TRPC4: variants seen among roughly 807,000 people sequenced by gnomAD.
TRPC4 encodes the protein short transient receptor potential channel 4.
TRPC4 carries 49 observed loss-of-function variants against 99.4 expected under a neutral mutation model. The ratio of observed to expected loss-of-function variants is 0.49; its 90% CI spans 0.39 to 0.63. The LOEUF (loss-of-function observed/expected upper bound fraction) is 0.63. Ranked by LOEUF, TRPC4 falls within the 20% of genes least tolerant of loss-of-function variation. TRPC4 has a pLI of 0.00. For missense variants in TRPC4, 898 were observed against 1,152.9 expected, an observed-to-expected ratio of 0.78 and a Z score of 3.20; for synonymous variants, 454 against 425.9, an observed-to-expected ratio of 1.07 and a Z score of -0.81.
intron 3 of TRPC4, among the ~76,000 whole-genome samples, chr13:37,709,205 A>G (rs1282053073): frequency 2.0e-5 from 3 of 151,918 alleles, no homozygotes; most frequent in Non-Finnish European, 1.5e-5. Context: ...GACTGAGAAT[A>G]TGTTTTGAGT....
intron 3 of TRPC4, among the ~76,000 whole-genome samples, chr13:37,736,002 A>G (rs999514022): frequency 4.6e-5 from 7 of 152,184 alleles, no homozygotes; most frequent in African/African-American, 1.7e-4. Flanking sequence ...TGTGGGGGAA[A>G]AAAACACTTT....
intron 3 of TRPC4, among the ~76,000 whole-genome samples, chr13:37,733,964 C>A (rs1955318751): frequency 2.0e-5 from 3 of 152,200 alleles, no homozygotes; most frequent in Admixed American, 2.0e-4. Context: ...TGGAAGTCTT[C>A]ACTGAGAAGG....
At chr13:37,647,768 A>T (rs1951895065) in intron 8 of TRPC4, among the ~76,000 whole-genome samples, 1 of 152,232 alleles carries the variant, frequency 6.6e-6, no homozygotes. Flanking sequence ...TTTAATTAAT[A>T]GTTGTTTGTG....
rs781706495 is a variant in TRPC4, at chr13:37,663,426, C to T, written c.1678G>A (p.Ala560Thr). 3 of 1,611,892 alleles carry T rather than the reference C, an allele frequency of 1.9e-6. No individual in the cohort carries two copies. The highest frequency in any genetic ancestry group is 2.5e-6 in the Non-Finnish European group (3 of 1,178,848). The change falls in exon 6 of 11, where the codon GCA becomes ACA. Residue 560 changes from alanine to threonine, a missense_variant. This residue lies in a region of TRPC4 where 274 missense variants were observed against 454.9 expected (regional missense o/e 0.60). Coordinates refer to ENST00000379705, the MANE Select transcript of TRPC4 (RefSeq NM_016179.4). ...GTCTATTAGACTTACGTTGAAAATG[C>T]ATTATTCTGCTTTTCACATCTTATG... is the stretch of plus-strand genomic sequence containing the variant. ...KGIRCEKQNN[A>T]FSTLFETLQS...
At chr13:37,737,226 GTAATAA>G (rs141469952) in intron 3 of TRPC4, among the ~76,000 whole-genome samples, 17 of 148,374 alleles carry the variant, frequency 1.1e-4, no homozygotes, top group Middle Eastern at 3.6e-3. Flanking sequence ...ACAAAAAATA[GTAATAA>G]TAATAATAAT....
chr13:37,752,663 C>G (rs1175975347), intron 2 of TRPC4, among the ~76,000 whole-genome samples: 1 of 151,670 alleles, frequency 6.6e-6, no homozygotes, highest in Non-Finnish European at 1.5e-5. Flanking sequence ...AATGTTACAG[C>G]CTTTCATTTG....
rs1593395665 is a variant in TRPC4 at position 37,633,836 on chromosome 13, T to C, written c.*3067A>G. ...ATTACTCATGATTTTATAAAATAAT[T>C]CACCCCATTTTAAAAAATATAGCCA... On this transcript the variant is annotated 3_prime_UTR_variant, in exon 11 of 11. Coordinates refer to ENST00000379705, the MANE Select transcript of TRPC4 (RefSeq NM_016179.4). Among the ~76,000 whole-genome samples the C allele has an allele frequency of 6.6e-6, 1 of 152,110 alleles. No homozygotes were observed. Among genetic ancestry groups the C allele is most frequent in the African/African-American group, 2.4e-5 (1 of 41,448 alleles).
rs1951434932 is a variant in TRPC4, at chr13:37,633,398, A to G, written c.*3505T>C. Among the ~76,000 whole-genome samples the G allele has an allele frequency of 6.6e-6, 1 of 152,190 alleles. No individual in the cohort carries two copies. Among genetic ancestry groups the G allele is most frequent in the African/African-American group, 2.4e-5 (1 of 41,464 alleles). The stretch of plus-strand genomic sequence containing the variant: ...TAGAAGACAGCTAAAAATACAATGC[A>G]TGAGGACTAAGAATGGACAGATTTC... On this transcript the variant is annotated 3_prime_UTR_variant, in exon 11 of 11. Transcript: ENST00000379705.
rs1469590928 is a variant in TRPC4 at position 37,635,667 on chromosome 13, C to A, written c.*1236G>T. 1.3e-5 allele frequency among the ~76,000 whole-genome samples: 2 copies of A among 152,048 alleles called. No individual in the cohort carries two copies. Among genetic ancestry groups the A allele is most frequent in the South Asian group, 2.1e-4 (1 of 4,826 alleles). On this transcript the variant is annotated 3_prime_UTR_variant, in exon 11 of 11. Coordinates refer to ENST00000379705, the MANE Select transcript of TRPC4 (RefSeq NM_016179.4). The stretch of plus-strand genomic sequence containing the variant: ...CTTCCCGTAGTGGCTTAAATAGACA[C>A]AAGCAATGTAAAATTTAAGCTTTAA...
At chr13:37,829,212 T>G (rs1443136218) in intron 1 of TRPC4, among the ~76,000 whole-genome samples, 1 of 152,174 alleles carries the variant, frequency 6.6e-6, no homozygotes, top group East Asian at 1.9e-4. Flanking sequence ...AAATCATGTC[T>G]ACCAAAGGTC....
In TRPC4 at chr13:37,737,655, G is replaced by A. The variant is rs1405653033; in HGVS notation, c.897+8282C>T. Among the ~76,000 whole-genome samples, 3 of 151,798 alleles carry A rather than the reference G, an allele frequency of 2.0e-5. No individual in the cohort carries two copies. In the East Asian group the frequency reaches 5.8e-4, roughly 29 times the overall value. ...TGCCCAGCTAAATTTTCTTTTCTTT[G>A]TAGAGACAGAATTTTGCTATGTTGC... On this transcript the variant is annotated intron_variant, in intron 3 of 10. Transcript: ENST00000379705.
At chr13:37,766,748 G>A (rs1003759603) in intron 2 of TRPC4, among the ~76,000 whole-genome samples, 5 of 151,394 alleles carry the variant, frequency 3.3e-5, no homozygotes, top group African/African-American at 1.2e-4. Flanking sequence ...GTTCATCCAC[G>A]AACTAGCCAC....
At chr13:37,861,423 T>C (rs1959315042) in intron 1 of TRPC4, among the ~76,000 whole-genome samples, 2 of 151,614 alleles carry the variant, frequency 1.3e-5, no homozygotes, top group Non-Finnish European at 3.0e-5. Context: ...TAGTAACTGA[T>C]AAGAAAGTAC....
chr13:37,863,962 T>C (rs922570086), intron 1 of TRPC4, among the ~76,000 whole-genome samples: 4 of 151,752 alleles, frequency 2.6e-5, no homozygotes, highest in African/African-American at 9.7e-5. Flanking sequence ...GATCCCGGTA[T>C]GCAAATTGTG....
At chr13:37,799,482 T>A (rs1185886418) in intron 1 of TRPC4, among the ~76,000 whole-genome samples, 1 of 152,160 alleles carries the variant, frequency 6.6e-6, no homozygotes, top group African/African-American at 2.4e-5. Flanking sequence ...CAAAAACTTA[T>A]TTGAACCCCA....
intron 3 of TRPC4, among the ~76,000 whole-genome samples, chr13:37,706,782 G>C (rs983270029): frequency 3.3e-5 from 5 of 152,068 alleles, no homozygotes; most frequent in African/African-American, 1.2e-4. Context: ...TTCTTGGAAA[G>C]TACATCTTTA....
chr13:37,827,233 T>C lies in TRPC4; in HGVS notation c.-28+42362A>G, dbSNP rs1001137436. Among the ~76,000 whole-genome samples, 3 of 152,172 alleles carry C rather than the reference T, an allele frequency of 2.0e-5. 1 individual carries two copies. The highest frequency in any genetic ancestry group is 7.2e-5 in the African/African-American group (3 of 41,430). On this transcript the variant is annotated intron_variant, in intron 1 of 10. Coordinates refer to ENST00000379705, the MANE Select transcript of TRPC4 (RefSeq NM_016179.4). ...TTTGGTTTCAATGTCCTCCCATAGC[T>C]CAGAGGAATTTGATCGTCTGAAGCC...
intron 3 of TRPC4, among the ~76,000 whole-genome samples, chr13:37,708,481 C>T (rs1954366117): frequency 6.6e-6 from 1 of 151,910 alleles, no homozygotes; most frequent in Non-Finnish European, 1.5e-5. Flanking sequence ...AAGTTGAAGA[C>T]AATGTGAACA....
At chr13:37,682,136 A>ACT (rs1271094905) in intron 4 of TRPC4, among the ~76,000 whole-genome samples, 1 of 152,184 alleles carries the variant, frequency 6.6e-6, no homozygotes, top group Non-Finnish European at 1.5e-5. Context: ...TACTGTCCGT[A>ACT]CTTACACCAA....
Sources: gnomAD v4.1 joint callset for allele counts (sites outside exome capture counted in the v4.1 genomes callset) on GRCh38, gnomAD v4.1.1 for gene constraint, gnomAD v4.1.1 regional missense constraint, MANE v1.5 for transcripts, NCBI Gene and HGNC (gene_info 2026-07-23, HGNC 2026-07-21) for gene names.